Variants in SVIL observed in about 807,000 individuals in gnomAD.
SVIL encodes the protein supervillin.
A neutral mutation model predicts 240.4 loss-of-function variants in SVIL; 101 were observed. The ratio of observed to expected loss-of-function variants is 0.42; its 90% CI spans 0.36 to 0.50. The LOEUF (loss-of-function observed/expected upper bound fraction) is 0.50, where lower values mean the gene tolerates loss of function less well. Ranked by LOEUF, SVIL falls within the 20% of genes least tolerant of loss-of-function variation. The probability of loss-of-function intolerance (pLI) is 0.01; values close to 1 mark genes in which losing one functional copy is unlikely to be tolerated. For missense variants in SVIL, 2,512 were observed against 2,818.7 expected (o/e 0.89, Z 2.46); for synonymous variants, 999 against 1,100.0 (o/e 0.91, Z 1.82).
intron 13 of SVIL, among the ~76,000 whole-genome samples, chr10:29,526,305 C>CTTTTTTTTTTTTTT (rs36004446): frequency 7.0e-5 from 8 of 115,028 alleles, no homozygotes; most frequent in East Asian, 2.2e-4. Context: ...TTTTCTCTTT[C>CTTTTTTTTTTTTTT]TTTTTTTTTT....
intron 3 of SVIL, among the ~76,000 whole-genome samples, chr10:29,648,531 G>A (rs1292835991): frequency 6.6e-6 from 1 of 152,202 alleles, no homozygotes; most frequent in Non-Finnish European, 1.5e-5. Context: ...GACCTTGCCC[G>A]ACCCTCATCA....
intron 1 of SVIL, among the ~76,000 whole-genome samples, chr10:29,574,448 T>A (rs1222768442): frequency 6.6e-6 from 1 of 151,964 alleles, no homozygotes; most frequent in Non-Finnish European, 1.5e-5. Flanking sequence ...ACCTGAAGGA[T>A]CTATGAGTGA....
At position 29,523,859 on chromosome 10, in the gene SVIL, C is replaced by A. The variant is rs778733609; in HGVS notation, c.2755G>T (p.Asp919Tyr). The A allele has an allele frequency of 1.9e-6, 3 of 1,614,156 alleles. No homozygotes were observed. The highest frequency in any genetic ancestry group is 4.5e-5 in the East Asian group (2 of 44,884). The change falls in exon 15 of 38, where the codon GAC becomes TAC. Residue 919 changes from aspartate (D) to tyrosine (Y), a missense_variant. Coordinates refer to ENST00000355867, the MANE Select transcript of SVIL (RefSeq NM_021738.3). ...YKFSSSIENS[D>Y]SPVRSILKSQ... ...TTCAGAATGCTTCTAACTGGAGAGT[C>A]CGAATTTTCTATTGAAGAAGAAAAC...
At position 29,499,393 on chromosome 10, in the gene SVIL, C is replaced by A. The variant is rs1416325113; in HGVS notation, c.3517-130G>T. On this transcript the variant is annotated intron_variant, in intron 17 of 37. Transcript: ENST00000355867. ...AGTAAGTATATTGTCCAAAGATGTT[C>A]AAAAATGTTCTATCTGAAATGGGCT... The A allele has an allele frequency of 6.7e-6, 8 of 1,201,416 alleles. No homozygotes were observed. In the African/African-American group the frequency reaches 7.6e-5, roughly 11 times the overall value. The allele number at this position is 1,201,416 out of a possible 1,614,324, so 74.4% of individuals were successfully genotyped here. A position where few individuals can be genotyped will look rare whatever the true frequency, so the allele number is the denominator to read the frequency against.
intron 1 of SVIL, among the ~76,000 whole-genome samples, chr10:29,595,351 C>A (rs1287112591): frequency 1.3e-5 from 2 of 152,086 alleles, no homozygotes; most frequent in African/African-American, 4.8e-5. Context: ...GGAGCCCCAC[C>A]CGGCACCCTC....
At chr10:29,555,005 T>G (rs375253510) in intron 4 of SVIL, 46 bp downstream of exon 4, 3 of 1,611,708 alleles carry the variant, frequency 1.9e-6, no homozygotes, top group African/African-American at 1.3e-5. Flanking sequence ...AATACTGCTT[T>G]GCCAAGCTCT....
In SVIL at chr10:29,672,383, T is replaced by C. The variant is rs143443934; in HGVS notation, c.-301+14170A>G. 3.0e-4 allele frequency among the ~76,000 whole-genome samples: 45 copies of C among 152,234 alleles called. No homozygotes were observed. The East Asian group carries it at 8.1e-3, about 27-fold the overall frequency. ...AAGACAATAACCAGAAATGCCATCC[T>C]GGATCACCTAAGCATAGGAGGTTGA... On this transcript the variant is annotated intron_variant, in intron 2 of 35. Transcript: ENST00000375400.
intron 1 of SVIL, among the ~76,000 whole-genome samples, chr10:29,586,809 C>A (rs1453218613): frequency 3.3e-5 from 5 of 152,146 alleles, no homozygotes; most frequent in Non-Finnish European, 7.4e-5. Flanking sequence ...CCAAATACTA[C>A]TTGTTCTCAC....
chr10:29,675,099 A>AG (rs1960098026), intron 2 of SVIL, among the ~76,000 whole-genome samples: 1 of 152,150 alleles, frequency 6.6e-6, no homozygotes, highest in Non-Finnish European at 1.5e-5. Flanking sequence ...AGGAGGAGAG[A>AG]GGGGGCATGA....
chr10:29,486,598 C>T (rs746029832), intron 24 of SVIL, 41 bp from the exon 25 acceptor site: 2 of 1,612,368 alleles, frequency 1.2e-6, no homozygotes, highest in Non-Finnish European at 1.7e-6. Flanking sequence ...TAGAAAAGCC[C>T]TTGGCTAGAC....
At position 29,526,971 on chromosome 10, in the gene SVIL, G is replaced by A. The variant is rs1950965666; in HGVS notation, c.2332C>T (p.Gln778Ter). Residue 778 changes from glutamine to a stop codon, truncating the protein, a stop_gained, in exon 13 of 38, where the codon CAG becomes TAG. Transcript: ENST00000355867. LOFTEE classifies it high-confidence loss of function. The stretch of plus-strand genomic sequence containing the variant: ...GTATCTGTCCAGTACCTGGCAGGCT[G>A]CACAGCGCTCCTAGCTACAGTGGGG... ...PSPTVARSAV[Q>*]PARLQASAHQ... is the part of the protein sequence containing the mutation. 2 of 1,602,426 alleles carry A rather than the reference G, an allele frequency of 1.2e-6. No individual in the cohort carries two copies. Among genetic ancestry groups the A allele is most frequent in the Non-Finnish European group, 1.7e-6 (2 of 1,175,856 alleles).
chr10:29,525,423 G>T (rs1411224106), intron 13 of SVIL, among the ~76,000 whole-genome samples: 1 of 152,128 alleles, frequency 6.6e-6, no homozygotes, highest in Non-Finnish European at 1.5e-5. Context: ...AGACTAGCCT[G>T]GGCAACATCG....
intron 1 of SVIL, among the ~76,000 whole-genome samples, chr10:29,732,124 C>T (rs928463375): frequency 1.3e-5 from 2 of 152,162 alleles, no homozygotes; most frequent in African/African-American, 4.8e-5. Context: ...TGGTTATGCA[C>T]GCAGCTCATT....
chr10:29,668,352 A>G (rs1350856730), intron 2 of SVIL, among the ~76,000 whole-genome samples: 1 of 152,232 alleles, frequency 6.6e-6, no homozygotes, highest in Non-Finnish European at 1.5e-5. Context: ...CTGTCTACAC[A>G]GATGAGGCCT....
At chr10:29,530,160 T>C (rs1951254232) in intron 11 of SVIL, among the ~76,000 whole-genome samples, 1 of 151,880 alleles carries the variant, frequency 6.6e-6, no homozygotes, top group South Asian at 2.1e-4. Flanking sequence ...AGTGAGAGAG[T>C]GAGACCCTAT....
chr10:29,623,487 C>A (rs1446759142), intron 1 of SVIL, among the ~76,000 whole-genome samples: 1 of 152,236 alleles, frequency 6.6e-6, no homozygotes, highest in Admixed American at 6.5e-5. Flanking sequence ...CCATTAGGAG[C>A]CGTAAGGCTC....
chr10:29,618,344 C>G (rs1023075955), intron 1 of SVIL, among the ~76,000 whole-genome samples: 1 of 152,104 alleles, frequency 6.6e-6, no homozygotes, highest in Admixed American at 6.5e-5. Flanking sequence ...AGGAAAACAC[C>G]GTCTTTTCTG....
At chr10:29,689,524 T>C (rs1341498171) in intron 1 of SVIL, among the ~76,000 whole-genome samples, 3 of 152,190 alleles carry the variant, frequency 2.0e-5, no homozygotes, top group African/African-American at 7.2e-5. Context: ...GACCTCGTGA[T>C]CTGCCCATCT....
intron 6 of SVIL, among the ~76,000 whole-genome samples, chr10:29,542,643 T>C (rs1341085758): frequency 2.6e-5 from 4 of 152,182 alleles, no homozygotes; most frequent in Admixed American, 6.5e-5. Flanking sequence ...GGGGTATCCA[T>C]CCCCTTAAGT....
Sources: gnomAD v4.1 joint callset for allele counts (sites outside exome capture counted in the v4.1 genomes callset) on GRCh38, gnomAD v4.1.1 for gene constraint, MANE v1.5 for transcripts, NCBI Gene and HGNC (gene_info 2026-07-23, HGNC 2026-07-21) for gene names.